Variants in RAB3GAP2 observed in about 807,000 individuals in gnomAD.
The protein encoded by RAB3GAP2 is RAB3 GTPase activating non-catalytic protein subunit 2.
Under a neutral mutation model 185.3 loss-of-function variants are expected in RAB3GAP2, and 87 were observed. The ratio of observed to expected loss-of-function variants is 0.47; its 90% CI spans 0.39 to 0.56. The LOEUF (loss-of-function observed/expected upper bound fraction) is 0.56. RAB3GAP2 is among the 20% of genes least tolerant of loss of function. The pLI, the probability that RAB3GAP2 is intolerant of heterozygous loss-of-function variation, is 0.00. For missense variants in RAB3GAP2, 1,492 were observed against 1,638.2 expected (o/e 0.91, Z 1.54); for synonymous variants, 554 against 576.1 (o/e 0.96, Z 0.55).
intron 2 of RAB3GAP2, among the ~76,000 whole-genome samples, chr1:220,232,020 TA>T (rs1221187073): frequency 1.3e-5 from 2 of 152,248 alleles, no homozygotes; most frequent in African/African-American, 4.8e-5. Flanking sequence ...TAGATTTTTT[TA>T]TTACTCATAT....
chr1:220,203,273 G>C (rs1450852353), intron 8 of RAB3GAP2, among the ~76,000 whole-genome samples: 2 of 152,162 alleles, frequency 1.3e-5, no homozygotes, highest in Non-Finnish European at 2.9e-5. Flanking sequence ...TCTTGCCATA[G>C]ATTCATGTAC....
intron 1 of RAB3GAP2, among the ~76,000 whole-genome samples, chr1:220,234,612 C>A (rs1659560081): frequency 1.3e-5 from 2 of 152,180 alleles, no homozygotes; most frequent in Admixed American, 1.3e-4. Context: ...CACCATGTGG[C>A]AAATCCTGTA....
chr1:220,206,712 T>G (rs987657757), intron 7 of RAB3GAP2, among the ~76,000 whole-genome samples: 6 of 152,200 alleles, frequency 3.9e-5, no homozygotes, highest in Non-Finnish European at 5.9e-5. Context: ...TCATTAACCA[T>G]GGCTGCAACA....
At position 220,172,638 on chromosome 1, in the gene RAB3GAP2, T is replaced by C; in HGVS notation, c.2415A>G (p.Lys805=). 6.2e-7 allele frequency: 1 copy of C among 1,600,806 alleles called. No homozygotes were observed. Among genetic ancestry groups the C allele is most frequent in the Non-Finnish European group, 8.6e-7 (1 of 1,167,800 alleles). The change falls in exon 22 of 35, where the codon AAA becomes AAG. Residue 805 remains lysine, a splice_region_variant and synonymous_variant. Transcript: ENST00000358951. ...ACGAGAGCAACAAACTTTGTTTACC[T>C]TTCATCTTGCTCAGGAGGGACAGCA... ...HTMLSLLSKM[K]VAIDETWDSQ...
chr1:220,209,675 A>C (rs1166820272), intron 7 of RAB3GAP2, among the ~76,000 whole-genome samples: 2 of 152,116 alleles, frequency 1.3e-5, no homozygotes, highest in Non-Finnish European at 2.9e-5. Flanking sequence ...TCTCCCATGC[A>C]AATTAAATTA....
intron 1 of RAB3GAP2, among the ~76,000 whole-genome samples, chr1:220,247,158 G>T (rs1039036787): frequency 3.8e-4 from 58 of 152,126 alleles, no homozygotes; most frequent in African/African-American, 1.3e-3. Context: ...ACTGCTGGTG[G>T]GAATGTAAAT....
intron 27 of RAB3GAP2, 58 bp downstream of exon 27, chr1:220,164,675 T>G: frequency 1.9e-6 from 3 of 1,564,336 alleles, no homozygotes; most frequent in South Asian, 2.3e-5. Flanking sequence ...CACATCCTGT[T>G]AAATCAGGAA....
intron 4 of RAB3GAP2, among the ~76,000 whole-genome samples, chr1:220,211,664 A>G (rs1277238022): frequency 1.3e-5 from 2 of 152,114 alleles, no homozygotes; most frequent in African/African-American, 4.8e-5. Flanking sequence ...AATCAAAACA[A>G]CTCCTACCCA....
chr1:220,270,034 C>T (rs1037232992), intron 1 of RAB3GAP2, among the ~76,000 whole-genome samples: 2 of 152,170 alleles, frequency 1.3e-5, no homozygotes, highest in African/African-American at 2.4e-5. Flanking sequence ...TTTCTGCCTC[C>T]ACTATCCTAC....
At chr1:220,162,515 T>C (rs1321802117) in intron 27 of RAB3GAP2, among the ~76,000 whole-genome samples, 1 of 152,188 alleles carries the variant, frequency 6.6e-6, no homozygotes, top group African/African-American at 2.4e-5. Flanking sequence ...AAGAGTCACA[T>C]CATTAGTTAT....
At chr1:220,184,632 A>T (rs1041707230) in intron 18 of RAB3GAP2, among the ~76,000 whole-genome samples, 1 of 152,196 alleles carries the variant, frequency 6.6e-6, no homozygotes, top group Non-Finnish European at 1.5e-5. Flanking sequence ...AACTGACCAC[A>T]CAAAATGATT....
intron 9 of RAB3GAP2, 150 bp from the exon 10 acceptor site, chr1:220,196,548 T>C (rs1658727822): frequency 1.2e-6 from 1 of 844,410 alleles, no homozygotes; most frequent in Non-Finnish European, 1.8e-6. Flanking sequence ...CAGAAAATAT[T>C]CTGCCAGGCA....
chr1:220,227,611 C>T (rs1404431394), intron 2 of RAB3GAP2, among the ~76,000 whole-genome samples: 1 of 152,196 alleles, frequency 6.6e-6, no homozygotes, highest in Non-Finnish European at 1.5e-5. Flanking sequence ...CTTATCTACA[C>T]ACTACTGCAG....
At chr1:220,253,748 G>T in intron 1 of RAB3GAP2, 1 of 1,611,786 alleles carries the variant, frequency 6.2e-7, no homozygotes, top group Non-Finnish European at 8.5e-7. Flanking sequence ...GTTCCGGAGA[G>T]CAGAGTACTC....
chr1:220,233,458 A>G (rs1426542209), intron 1 of RAB3GAP2, among the ~76,000 whole-genome samples: 2 of 152,230 alleles, frequency 1.3e-5, no homozygotes, highest in African/African-American at 2.4e-5. Context: ...GTAAAAGCCC[A>G]GATAGGTTTG....
Position 220,267,207 on chromosome 1 carries a change from G to GAT in RAB3GAP2, c.115+5014_115+5015dup, listed in dbSNP as rs1359592095. The GAT allele has an allele frequency of 1.6e-5, 15 of 928,810 alleles. No homozygotes were observed. The East Asian group carries it at 3.6e-4, about 22-fold the overall frequency. 57.5% of individuals were successfully genotyped at this position (928,810 alleles called of 1,614,324 possible). ...AAGACAGGGCACTTGCCAATTCTGT[G>GAT]ATATAAGTAGCAGTTCTCTGCTCAT... On this transcript the variant is annotated intron_variant, in intron 1 of 34. Transcript: ENST00000358951.
chr1:220,230,104 A>G (rs1659471871), intron 2 of RAB3GAP2, among the ~76,000 whole-genome samples: 1 of 152,236 alleles, frequency 6.6e-6, no homozygotes, highest in Middle Eastern at 3.4e-3. Context: ...CATTCTTGCC[A>G]TAGCGAATTA....
In RAB3GAP2 at chr1:220,209,956, G is replaced by A. The variant is rs553917263; in HGVS notation, c.612+432C>T. Among the ~76,000 whole-genome samples the A allele has an allele frequency of 2.2e-3, 331 of 152,224 alleles. 3 individuals are homozygous for A. Among genetic ancestry groups the A allele is most frequent in the African/African-American group, 7.4e-3 (309 of 41,540 alleles). On this transcript the variant is annotated intron_variant, in intron 7 of 34. Coordinates refer to ENST00000358951, the MANE Select transcript of RAB3GAP2 (RefSeq NM_012414.4). Reference sequence around the variant, plus strand: ...TATGTATTTTCCACTATGAACAAAAGCTTAGTAACCCCTTTTCTGAGAAAC... The same window carrying A: ...TATGTATTTTCCACTATGAACAAAAACTTAGTAACCCCTTTTCTGAGAAAC...
At chr1:220,236,686 A>G (rs1659597346) in intron 1 of RAB3GAP2, among the ~76,000 whole-genome samples, 1 of 152,142 alleles carries the variant, frequency 6.6e-6, no homozygotes, top group African/African-American at 2.4e-5. Context: ...AAAAAAAAAA[A>G]AGGTATATAT....
Sources: gnomAD v4.1 joint callset for allele counts (sites outside exome capture counted in the v4.1 genomes callset) on GRCh38, gnomAD v4.1.1 for gene constraint, MANE v1.5 for transcripts, NCBI Gene and HGNC (gene_info 2026-07-23, HGNC 2026-07-21) for gene names.